The following SAMD5 variants were observed in gnomAD, a reference collection of about 807,000 sequenced individuals.
The protein encoded by SAMD5 is sterile alpha motif domain containing 5.
Under a neutral mutation model 11.3 loss-of-function variants are expected in SAMD5, and 13 were observed. The ratio of observed to expected loss-of-function variants is 1.15; its 90% CI spans 0.75 to 1.83. SAMD5 has a LOEUF of 1.83. Among genes scored for constraint, SAMD5 ranks in the 40% most tolerant of loss-of-function variants. The pLI is 0.00. For synonymous variants in SAMD5, 129 were observed against 111.3 expected (o/e 1.16, Z -1.00); for missense variants, 255 against 239.1 (o/e 1.07, Z -0.44).
At chr6:147,881,063 T>C in the SAMD5 span, among the ~76,000 whole-genome samples, 831 of 152,278 alleles carry the variant, frequency 5.5e-3, 11 homozygotes, top group South Asian at 0.024. Flanking sequence ...CCACCTGCCA[T>C]AACAAATAGG....
chr6:147,554,160 C>G (rs1367296234), intron 1 of SAMD5, among the ~76,000 whole-genome samples: 1 of 152,038 alleles, frequency 6.6e-6, no homozygotes, highest in Non-Finnish European at 1.5e-5. Context: ...GGGGAAAAGC[C>G]CCTTATGAAA....
intron 1 of SAMD5, among the ~76,000 whole-genome samples, chr6:147,728,235 G>A (rs1034150248): frequency 2.6e-5 from 4 of 152,214 alleles, no homozygotes; most frequent in Non-Finnish European, 5.9e-5. Flanking sequence ...AGACCAGCCT[G>A]GCCAATATGG....
chr6:147,617,258 A>G (rs546962100), intron 1 of SAMD5, among the ~76,000 whole-genome samples: 1 of 152,248 alleles, frequency 6.6e-6, no homozygotes, highest in African/African-American at 2.4e-5. Context: ...CTTCAGGGAG[A>G]GTATACCTTG....
chr6:147,795,730 G>T, the SAMD5 span, among the ~76,000 whole-genome samples: 1 of 148,576 alleles, frequency 6.7e-6, no homozygotes, highest in Non-Finnish European at 1.5e-5. Flanking sequence ...AGCACCTGTT[G>T]TTTCCTGACT....
chr6:147,869,689 A>G, the SAMD5 span, among the ~76,000 whole-genome samples: 1 of 152,170 alleles, frequency 6.6e-6, no homozygotes, highest in Non-Finnish European at 1.5e-5. Context: ...CTTGTAATCA[A>G]TATAATTATT....
the SAMD5 span, among the ~76,000 whole-genome samples, chr6:147,790,579 C>T: frequency 6.6e-6 from 1 of 152,144 alleles, no homozygotes; most frequent in Non-Finnish European, 1.5e-5. Context: ...TTAACAAATA[C>T]TTAGTAAAGC....
chr6:147,559,439 G>A (rs1788911666), intron 1 of SAMD5, among the ~76,000 whole-genome samples: 1 of 152,136 alleles, frequency 6.6e-6, no homozygotes, highest in African/African-American at 2.4e-5. Context: ...TGTCCAGCCA[G>A]CCTCTCCACT....
At chr6:147,814,932 A>C in the SAMD5 span, among the ~76,000 whole-genome samples, 1 of 152,184 alleles carries the variant, frequency 6.6e-6, no homozygotes, top group Non-Finnish European at 1.5e-5. Flanking sequence ...GGAGAAAGGA[A>C]GGTCTGAGGT....
the SAMD5 span, among the ~76,000 whole-genome samples, chr6:147,771,608 C>T: frequency 3.3e-5 from 5 of 152,098 alleles, no homozygotes; most frequent in African/African-American, 1.2e-4. Context: ...TATGCATTGT[C>T]TTATCTCCAG....
the SAMD5 span, among the ~76,000 whole-genome samples, chr6:147,817,509 A>C: frequency 6.6e-6 from 1 of 152,264 alleles, no homozygotes. Context: ...CTTAACAAAC[A>C]GTCCTTTCTT....
chr6:147,509,379 T>G lies in SAMD5; in HGVS notation c.451T>G (p.Ser151Ala), dbSNP rs1016247059. 3 of 1,544,744 alleles carry G rather than the reference T, an allele frequency of 1.9e-6. No individual in the cohort carries two copies. The highest frequency in any genetic ancestry group is 2.8e-5 in the African/African-American group (2 of 71,262). Residue 151 changes from serine (S) to alanine (A), a missense_variant, in exon 1 of 2, where the codon TCC becomes GCC. Ser to Ala is a moderately conservative substitution (Grantham distance 99, BLOSUM62 1). Coordinates refer to ENST00000367474, the MANE Select transcript of SAMD5 (RefSeq NM_001030060.3). The stretch of plus-strand genomic sequence containing the variant: ...CATCCACCTGAGCAAGCCCCCGTAC[T>G]CCCGCAAGGTAAGGAGGTGCCGTCC... ...DGIHLSKPPY[S>A]RKVPMAGILE...
At chr6:147,920,653 TA>T in the SAMD5 span, among the ~76,000 whole-genome samples, 1 of 152,166 alleles carries the variant, frequency 6.6e-6, no homozygotes, top group African/African-American at 2.4e-5. Context: ...CTTCAATTTT[TA>T]AAAAATAATC....
rs373282999 is a variant in SAMD5, at chr6:147,509,036, C to A, written c.108C>A (p.Ile36=). The part of the protein sequence containing the change: ...GYDDLEVCKQ[I]GDPDLDAIGV... ...ATGACCTGGAGGTGTGCAAGCAGAT[C>A]GGGGACCCGGACCTGGATGCCATCG... is the stretch of plus-strand genomic sequence containing the variant. The change falls in exon 1 of 2, where the codon ATC becomes ATA. Residue 36 remains isoleucine, a synonymous_variant. Transcript: ENST00000367474. 279 of 1,606,866 alleles carry A rather than the reference C, an allele frequency of 1.7e-4. 4 individuals are homozygous for A. The South Asian group carries it at 2.9e-3, about 17-fold the overall frequency.
intron 1 of SAMD5, among the ~76,000 whole-genome samples, chr6:147,735,798 T>C (rs1009120182): frequency 2.6e-5 from 4 of 152,308 alleles, no homozygotes; most frequent in Admixed American, 2.6e-4. Context: ...GTTGACGTGT[T>C]TTTCAAGTTT....
At chr6:147,602,647 G>A (rs915340372) in intron 1 of SAMD5, among the ~76,000 whole-genome samples, 2 of 152,198 alleles carry the variant, frequency 1.3e-5, no homozygotes, top group African/African-American at 2.4e-5. Context: ...AGGAGGCTGA[G>A]GCAGGAGAAT....
At position 147,706,554 on chromosome 6, in the gene SAMD5, G is replaced by A. The variant is rs560859631; in HGVS notation, c.163-30763G>A. 3.9e-5 allele frequency among the ~76,000 whole-genome samples: 6 copies of A among 152,308 alleles called. No homozygotes were observed. In the South Asian group the frequency reaches 1.0e-3, roughly 26 times the overall value. ...TGACAAGTCTTTATGAAGGAAAGAG[G>A]AAAAACAGTATAGTTGACTTTTGTA... is the stretch of plus-strand genomic sequence containing the variant. On this transcript the variant is annotated intron_variant, in intron 1 of 1. Coordinates refer to the SAMD5 transcript ENST00000566741.
the SAMD5 span, among the ~76,000 whole-genome samples, chr6:147,749,849 C>T: frequency 2.0e-5 from 3 of 152,016 alleles, no homozygotes; most frequent in African/African-American, 4.8e-5. Context: ...TATGCGCATG[C>T]GAGTGTGGTT....
At chr6:147,830,083 A>G in the SAMD5 span, among the ~76,000 whole-genome samples, 1 of 151,854 alleles carries the variant, frequency 6.6e-6, no homozygotes, top group African/African-American at 2.4e-5. Context: ...GGCCAAAGAG[A>G]TCTCTTGGGT....
At chr6:147,856,444 T>C in the SAMD5 span, among the ~76,000 whole-genome samples, 1 of 152,230 alleles carries the variant, frequency 6.6e-6, no homozygotes, top group African/African-American at 2.4e-5. Context: ...TGGCATACCA[T>C]TGTGATTTTA....
Sources: allele counts gnomAD v4.1 joint callset (sites outside exome capture counted in the v4.1 genomes callset), GRCh38; gene constraint gnomAD v4.1.1; transcripts MANE v1.5; gene names NCBI Gene and HGNC (gene_info 2026-07-23, HGNC 2026-07-21).